The following SLX9 variants were observed in gnomAD, a reference collection of about 807,000 sequenced individuals.
The protein encoded by SLX9 is ribosome biogenesis protein SLX9 homolog.
Under a neutral mutation model 20.8 loss-of-function variants are expected in SLX9, and 19 were observed. The observed-to-expected ratio is 0.91, with a 90% CI of 0.64 to 1.34. The LOEUF is 1.34. Among genes scored for constraint, SLX9 ranks in the 40% most tolerant of loss-of-function variants. The pLI, the probability that SLX9 is intolerant of heterozygous loss-of-function variation, is 0.00. For missense variants in SLX9, 299 were observed against 322.2 expected, an observed-to-expected ratio of 0.93 and a Z score of 0.55; for synonymous variants, 113 against 137.1, an observed-to-expected ratio of 0.82 and a Z score of 1.23.
At chr21:44,945,349 CA>C (rs1601372725) in intron 2 of SLX9, among the ~76,000 whole-genome samples, 1 of 152,226 alleles carries the variant, frequency 6.6e-6, no homozygotes, top group South Asian at 2.1e-4. Flanking sequence ...TGGTTGCTGA[CA>C]AGGCCCTTAA....
intron 3 of SLX9, among the ~76,000 whole-genome samples, chr21:44,962,671 T>C (rs2146656782): frequency 6.6e-6 from 1 of 152,320 alleles, no homozygotes; most frequent in Non-Finnish European, 1.5e-5. Flanking sequence ...TTCGTTTCTC[T>C]TGGGTAAGTG....
intron 2 of SLX9, among the ~76,000 whole-genome samples, chr21:44,950,231 T>C (rs1323875811): frequency 1.4e-5 from 2 of 147,838 alleles, no homozygotes; most frequent in Non-Finnish European, 3.0e-5. Flanking sequence ...TATTTTCCAG[T>C]ATCTCAAAAA....
chr21:44,954,598 T>A (rs1192033393), intron 2 of SLX9, among the ~76,000 whole-genome samples: 1 of 152,246 alleles, frequency 6.6e-6, no homozygotes, highest in Non-Finnish European at 1.5e-5. Context: ...GGCCCAGTGG[T>A]GGAAACGTCC....
intron 2 of SLX9, among the ~76,000 whole-genome samples, chr21:44,950,373 CA>C (rs1387355807): frequency 1.3e-5 from 2 of 152,174 alleles, no homozygotes; most frequent in Non-Finnish European, 1.5e-5. Context: ...GGGGAGGTTA[CA>C]TGGAGATGGC....
chr21:44,948,548 C>T (rs1817580316), intron 2 of SLX9, among the ~76,000 whole-genome samples: 1 of 152,136 alleles, frequency 6.6e-6, no homozygotes, highest in Non-Finnish European at 1.5e-5. Context: ...GAGACACAGG[C>T]AGGGTGGGGC....
intron 4 of SLX9, among the ~76,000 whole-genome samples, chr21:44,971,359 C>A (rs951655969): frequency 7.6e-6 from 1 of 131,166 alleles, no homozygotes; most frequent in African/African-American, 3.0e-5. Context: ...CACTCTGTCC[C>A]CGGGGCCCTG....
chr21:44,974,404 C>T (rs914894577), intron 5 of SLX9, among the ~76,000 whole-genome samples: 2 of 152,166 alleles, frequency 1.3e-5, no homozygotes, highest in African/African-American at 2.4e-5. Flanking sequence ...TTTATTGTCT[C>T]GGCCCTTCTT....
intron 4 of SLX9, among the ~76,000 whole-genome samples, chr21:44,971,025 G>A (rs36192003): frequency 0.16 from 25,016 of 152,110 alleles, 2,723 homozygotes; most frequent in Non-Finnish European, 0.23. Flanking sequence ...CTCCTGGCTG[G>A]GAAGCAGGCA....
chr21:44,958,367 G>C (rs1422796765), intron 2 of SLX9: 1 of 152,430 alleles, frequency 6.6e-6, no homozygotes, highest in Non-Finnish European at 1.5e-5. Context: ...GCACCCACGG[G>C]ACGCTCCTGT....
chr21:44,969,536 G>A (rs1429465684), intron 4 of SLX9, among the ~76,000 whole-genome samples: 1 of 152,116 alleles, frequency 6.6e-6, no homozygotes, highest in East Asian at 1.9e-4. Flanking sequence ...CTCCTCAGAT[G>A]TGGCTCAGGC....
rs562304220 is a variant in SLX9 at position 44,969,469 on chromosome 21, G to A, written c.500+2288G>A. Among the ~76,000 whole-genome samples the A allele has an allele frequency of 1.8e-3, 267 of 152,318 alleles. 1 individual carries two copies. The highest frequency in any genetic ancestry group is 5.9e-3 in the African/African-American group (246 of 41,566). ...CTGCCTCCCTGCGGGGCTCTGGGCC[G>A]GGAAGGCACATCTGCTCTCAGCCCT... On this transcript the variant is annotated intron_variant, in intron 4 of 5. Transcript: ENST00000291634.
At chr21:44,939,739 C>T, upstream of SLX9, 2 of 524,828 alleles carry the variant, frequency 3.8e-6, no homozygotes, top group South Asian at 1.5e-5. Flanking sequence ...ATCTCGACTG[C>T]CGCGGGGGTC....
In SLX9 at chr21:44,976,908, C is replaced by T; in HGVS notation, c.*105C>T. On this transcript the variant is annotated 3_prime_UTR_variant, in exon 6 of 6. Coordinates refer to ENST00000291634, the MANE Select transcript of SLX9 (RefSeq NM_058190.4). ...CTGAGCCTGGTGGACGCCCTTCCCT[C>T]TGGTCGGTTGTGGGGCTCAATAAAT... 1 of 1,471,740 alleles carries T rather than the reference C, an allele frequency of 6.8e-7. No homozygotes were observed. The highest frequency in any genetic ancestry group is 1.4e-5 in the African/African-American group (1 of 71,288). The allele number at this position is 1,471,740 out of a possible 1,614,324, so 91.2% of individuals were successfully genotyped here.
chr21:44,953,788 C>T (rs1273534150), intron 2 of SLX9, among the ~76,000 whole-genome samples: 2 of 152,196 alleles, frequency 1.3e-5, no homozygotes, highest in Admixed American at 6.5e-5. Flanking sequence ...CGTGCCACCC[C>T]CCGGGGAGCT....
chr21:44,954,110 G>A (rs951083245), intron 2 of SLX9, among the ~76,000 whole-genome samples: 1 of 152,178 alleles, frequency 6.6e-6, no homozygotes, highest in Non-Finnish European at 1.5e-5. Context: ...GGTTCTGGAG[G>A]GTCCTTGTGG....
At chr21:44,974,632 C>T (rs556087772) in intron 5 of SLX9, among the ~76,000 whole-genome samples, 2 of 152,302 alleles carry the variant, frequency 1.3e-5, no homozygotes, top group South Asian at 4.1e-4. Context: ...GAGGTGTGAT[C>T]AAGGCTCACT....
intron 3 of SLX9, 98 bp downstream of exon 3, chr21:44,960,266 C>T: frequency 1.7e-6 from 2 of 1,167,274 alleles, no homozygotes; most frequent in South Asian, 2.5e-5. Flanking sequence ...TCTACATCAG[C>T]CACACTCCCC....
At chr21:44,975,460 A>G (rs187634837) in intron 5 of SLX9, among the ~76,000 whole-genome samples, 43 of 152,184 alleles carry the variant, frequency 2.8e-4, no homozygotes, top group African/African-American at 9.9e-4. Flanking sequence ...TAGTGTCTAA[A>G]CTCAGGCGCA....
intron 2 of SLX9, chr21:44,959,393 C>G (rs2084913816): frequency 3.0e-6 from 1 of 334,226 alleles, no homozygotes; most frequent in Non-Finnish European, 4.3e-6. Context: ...AAACTGGAGT[C>G]AGAGACGCAG....
Sources: gnomAD v4.1 joint callset for allele counts (sites outside exome capture counted in the v4.1 genomes callset) on GRCh38, gnomAD v4.1.1 for gene constraint, MANE v1.5 for transcripts, NCBI Gene and HGNC (gene_info 2026-07-23, HGNC 2026-07-21) for gene names.